CELF5: variants seen among roughly 807,000 people sequenced by gnomAD.
The protein encoded by CELF5 is CUGBP Elav-like family member 5.
CELF5 carries 6 observed loss-of-function variants against 54.9 expected under a neutral mutation model. The ratio of observed to expected loss-of-function variants is 0.11; its 90% CI spans 0.06 to 0.22. The LOEUF (loss-of-function observed/expected upper bound fraction) is 0.22. Among genes scored for constraint, CELF5 ranks in the 10% least tolerant of loss-of-function variants. CELF5 has a pLI of 1.00. For missense variants in CELF5, 401 were observed against 678.6 expected (o/e 0.59, Z 4.54); for synonymous variants, 271 against 290.9 (o/e 0.93, Z 0.70).
At chr19:3,226,934 G>T (rs1042593979) in intron 1 of CELF5, among the ~76,000 whole-genome samples, 1 of 152,012 alleles carries the variant, frequency 6.6e-6, no homozygotes, top group African/African-American at 2.4e-5. Flanking sequence ...TTTTTTACAG[G>T]TTGGAGAATG....
At chr19:3,226,283 A>G (rs1916904198) in intron 1 of CELF5, among the ~76,000 whole-genome samples, 1 of 152,014 alleles carries the variant, frequency 6.6e-6, no homozygotes, top group African/African-American at 2.4e-5. Context: ...GAATGAATGA[A>G]TGAATGAATG....
intron 9 of CELF5, among the ~76,000 whole-genome samples, chr19:3,285,708 C>A (rs1428104111): frequency 7.9e-6 from 1 of 126,918 alleles, no homozygotes; most frequent in Non-Finnish European, 1.7e-5. Context: ...TGGCCCTGCC[C>A]TCCACCATGG....
At position 3,228,974 on chromosome 19, in the gene CELF5, C is replaced by T. The variant is rs966403227; in HGVS notation, c.259+3976C>T. ...GGGTGCTGTGTGGCTTCAAGCTGAG[C>T]GCGCCCCTCTCTGTGCCTCGTTTTC... is the stretch of plus-strand genomic sequence containing the variant. On this transcript the variant is annotated intron_variant, in intron 1 of 12. Transcript: ENST00000292672. The surrounding 1 kb of genome is among the most constrained non-coding windows in gnomAD (Gnocchi z 6.0). Among the ~76,000 whole-genome samples, 1 of 151,666 alleles carries T rather than the reference C, an allele frequency of 6.6e-6. No homozygotes were observed. The highest frequency in any genetic ancestry group is 6.6e-5 in the Admixed American group (1 of 15,240).
At chr19:3,225,068 TCCC>T in intron 1 of CELF5, 70 bp downstream of exon 1, 1 of 983,308 alleles carries the variant, frequency 1.0e-6, no homozygotes, top group Non-Finnish European at 1.4e-6. Context: ...GCATCTTCTC[TCCC>T]CCATCACCAT....
At chr19:3,244,541 T>C (rs1187454608) in intron 1 of CELF5, among the ~76,000 whole-genome samples, 2 of 147,510 alleles carry the variant, frequency 1.4e-5, no homozygotes, top group Admixed American at 6.7e-5. Flanking sequence ...GTGTGTGTAG[T>C]GTGTTTTGCA....
intron 2 of CELF5, among the ~76,000 whole-genome samples, chr19:3,253,210 G>T (rs2079675114): frequency 6.6e-6 from 1 of 152,098 alleles, no homozygotes; most frequent in African/African-American, 2.4e-5. Context: ...GCACAGCAGA[G>T]TTCTAGGGAC....
Position 3,275,803 on chromosome 19 carries a change from G to A in CELF5, c.395-53G>A, listed in dbSNP as rs1230171126. On this transcript the variant is annotated intron_variant, in intron 3 of 12. Coordinates refer to ENST00000292672, the MANE Select transcript of CELF5 (RefSeq NM_021938.4). This position sits in a 1 kb window ranked among gnomAD's most constrained non-coding sequence, Gnocchi z 6.7. ...CTGCTGGAGGGAGGGAGGAATCCCGGAGGCCCTCCCGGAGGCCGGGGACTC... is the reference window on the plus strand; with the variant it reads ...CTGCTGGAGGGAGGGAGGAATCCCGAAGGCCCTCCCGGAGGCCGGGGACTC... The A allele has an allele frequency of 3.8e-6, 6 of 1,566,920 alleles. No homozygotes were observed. The East Asian group carries it at 9.1e-5, about 24-fold the overall frequency.
chr19:3,286,179 C>G, intron 10 of CELF5, 154 bp downstream of exon 10: 1 of 570,798 alleles, frequency 1.8e-6, no homozygotes, highest in Non-Finnish European at 2.9e-6. Flanking sequence ...CCGGTGCAGC[C>G]GCTGACCCCT....
At chr19:3,276,736 G>A (rs1271963271) in intron 4 of CELF5, among the ~76,000 whole-genome samples, 1 of 150,758 alleles carries the variant, frequency 6.6e-6, no homozygotes, top group Non-Finnish European at 1.5e-5. Flanking sequence ...GGAAGGGCAA[G>A]GCTTCTCCAG....
At chr19:3,251,139 C>T in intron 2 of CELF5, 72 bp downstream of exon 2, 1 of 1,136,868 alleles carries the variant, frequency 8.8e-7, no homozygotes, top group Non-Finnish European at 1.3e-6. Flanking sequence ...AGCCAAGGCT[C>T]TTCCTGAGAT....
At chr19:3,241,519 A>C (rs2079490887) in intron 1 of CELF5, among the ~76,000 whole-genome samples, 2 of 151,830 alleles carry the variant, frequency 1.3e-5, no homozygotes, top group South Asian at 2.1e-4. Context: ...GGTGTGCAGC[A>C]AGGCTGCACA....
Position 3,246,446 on chromosome 19 carries a change from A to G in CELF5, c.260-4539A>G, listed in dbSNP as rs143403810. 2.7e-3 allele frequency among the ~76,000 whole-genome samples: 410 copies of G among 152,060 alleles called. 4 individuals carry two copies. The highest frequency in any genetic ancestry group is 0.023 in the South Asian group (112 of 4,816). On this transcript the variant is annotated intron_variant, in intron 1 of 12. Transcript: ENST00000292672. ...AGGCTGGGTGCAGTGGCTTATGCCTATAATCCCAGCACTTTGGGAAGCCAA... is the reference window on the plus strand; with the variant it reads ...AGGCTGGGTGCAGTGGCTTATGCCTGTAATCCCAGCACTTTGGGAAGCCAA...
chr19:3,285,015 A>G, intron 9 of CELF5, 51 bp downstream of exon 9: 1 of 1,381,682 alleles, frequency 7.2e-7, no homozygotes, highest in East Asian at 2.4e-5. Flanking sequence ...GCCCCCGCCT[A>G]GGGCCCCGCC....
At chr19:3,244,639 GTGTA>G (rs1276198695) in intron 1 of CELF5, among the ~76,000 whole-genome samples, 2 of 150,936 alleles carry the variant, frequency 1.3e-5, no homozygotes, top group African/African-American at 2.4e-5. Context: ...TGTGTGGTGT[GTGTA>G]TGTATCTGTG....
At chr19:3,250,879 G>GTTC in intron 1 of CELF5, 106 bp from the exon 2 acceptor site, 3 of 596,310 alleles carry the variant, frequency 5.0e-6, no homozygotes, top group Middle Eastern at 2.7e-4. Context: ...ATGCATCTGT[G>GTTC]GATGGAAGCT....
intron 1 of CELF5, among the ~76,000 whole-genome samples, chr19:3,242,678 C>A (rs368134544): frequency 6.6e-6 from 1 of 151,886 alleles, no homozygotes; most frequent in Non-Finnish European, 1.5e-5. Context: ...TAGTGGCAGG[C>A]GCCTGTAATC....
rs1005010941 is a variant in CELF5 at position 3,224,667 on chromosome 19, C to T, written c.-73C>T. Reference sequence around the variant, plus strand: ...GGGGGCCCGGGAGGGAGGCGGGAGGCGCGGCCGCCGCTCCAGCTGCGAGTC... The same window carrying T: ...GGGGGCCCGGGAGGGAGGCGGGAGGTGCGGCCGCCGCTCCAGCTGCGAGTC... On this transcript the variant is annotated 5_prime_UTR_variant, in exon 1 of 13. Transcript: ENST00000292672. The T allele has an allele frequency of 5.1e-6, 5 of 982,302 alleles. No individual in the cohort carries two copies. Among genetic ancestry groups the T allele is most frequent in the Non-Finnish European group, 6.0e-6 (5 of 828,704 alleles). 60.8% of individuals were successfully genotyped at this position (982,302 alleles called of 1,614,324 possible). A position where few individuals can be genotyped will look rare whatever the true frequency, so the allele number is the denominator to read the frequency against.
chr19:3,254,467 A>G (rs1334862125), intron 2 of CELF5, among the ~76,000 whole-genome samples: 1 of 149,566 alleles, frequency 6.7e-6, no homozygotes, highest in Non-Finnish European at 1.5e-5. Flanking sequence ...CCATCCATCT[A>G]TCCATCCACC....
intron 1 of CELF5, among the ~76,000 whole-genome samples, chr19:3,249,485 T>C (rs539374780): frequency 3.3e-5 from 5 of 152,186 alleles, no homozygotes; most frequent in African/African-American, 9.6e-5. Flanking sequence ...ACCAGAGGGC[T>C]GGCCCCGCCC....
Sources: allele counts gnomAD v4.1 joint callset (sites outside exome capture counted in the v4.1 genomes callset), GRCh38; gene constraint gnomAD v4.1.1; non-coding constraint Gnocchi (gnomAD v3.1); transcripts MANE v1.5; gene names NCBI Gene and HGNC (gene_info 2026-07-23, HGNC 2026-07-21).